Variants in TMEM248 observed in about 807,000 individuals in gnomAD.
The protein encoded by TMEM248 is transmembrane protein 248, also known as UPF0458 protein C7orf42.
Under a neutral mutation model 30.3 loss-of-function variants are expected in TMEM248, and 9 were observed. That is an observed-to-expected ratio of 0.30 (90% CI 0.18 to 0.52). TMEM248 has a LOEUF of 0.52. Among genes scored for constraint, TMEM248 ranks in the 20% least tolerant of loss-of-function variants. The pLI is 0.97. For synonymous variants in TMEM248, 184 were observed against 154.4 expected, an observed-to-expected ratio of 1.19 and a Z score of -1.42; for missense variants, 338 against 403.3, an observed-to-expected ratio of 0.84 and a Z score of 1.39.
At chr7:66,941,399 A>G (rs558777505) in intron 1 of TMEM248, among the ~76,000 whole-genome samples, 11 of 150,632 alleles carry the variant, frequency 7.3e-5, no homozygotes, top group African/African-American at 2.4e-4. Flanking sequence ...AAAAAGAAAA[A>G]AAAAAATTAG....
chr7:66,942,343 C>G (rs149947531), intron 2 of TMEM248, among the ~76,000 whole-genome samples: 153 of 152,308 alleles, frequency 1.0e-3, no homozygotes, highest in Non-Finnish European at 1.8e-3. Flanking sequence ...TATTCCATCT[C>G]AAATGGGTTC....
intron 2 of TMEM248, among the ~76,000 whole-genome samples, chr7:66,944,394 C>T (rs1440431079): frequency 6.6e-6 from 1 of 152,148 alleles, no homozygotes; most frequent in Admixed American, 6.5e-5. Flanking sequence ...TGCGAGCCAC[C>T]GTACCTGGCC....
chr7:66,925,507 A>G (rs952756804), intron 1 of TMEM248, among the ~76,000 whole-genome samples: 7 of 152,008 alleles, frequency 4.6e-5, no homozygotes, highest in African/African-American at 1.7e-4. Flanking sequence ...ATATAAGTGG[A>G]ATCCTATATT....
At chr7:66,931,888 T>C (rs1216499563) in intron 1 of TMEM248, among the ~76,000 whole-genome samples, 1 of 138,116 alleles carries the variant, frequency 7.2e-6, no homozygotes, top group Non-Finnish European at 1.5e-5. Flanking sequence ...CACTGCAAGC[T>C]CCGTCTCCTG....
Position 66,929,217 on chromosome 7 carries a change from A to G in TMEM248, c.-19+7756A>G, listed in dbSNP as rs79015769. Among the ~76,000 whole-genome samples, 7 of 152,270 alleles carry G rather than the reference A, an allele frequency of 4.6e-5. No individual in the cohort carries two copies. The East Asian group carries it at 1.2e-3, about 25-fold the overall frequency. On this transcript the variant is annotated intron_variant, in intron 1 of 6. Transcript: ENST00000341567. ...CTTCCCGTGTGATCATGGGCACATT[A>G]GCTGACTTCTATATGCCTTAATTTC...
At chr7:66,927,825 A>G (rs1346748267) in intron 1 of TMEM248, among the ~76,000 whole-genome samples, 1 of 152,148 alleles carries the variant, frequency 6.6e-6, no homozygotes, top group Non-Finnish European at 1.5e-5. Context: ...GTATCACATT[A>G]AGAAACAAGA....
rs112085221 is a variant in TMEM248, at chr7:66,955,028, T to C, written c.925-474T>C. 2.6e-4 allele frequency among the ~76,000 whole-genome samples: 40 copies of C among 152,306 alleles called. 1 individual carries two copies. The highest frequency in any genetic ancestry group is 8.9e-4 in the African/African-American group (37 of 41,578). ...TGTAATCCCAGGACTTTTAGGAGGC[T>C]GAGGCAGAAGGATCACTTGAGCCCA... On this transcript the variant is annotated intron_variant, in intron 6 of 6. Coordinates refer to ENST00000341567, the MANE Select transcript of TMEM248 (RefSeq NM_017994.5).
chr7:66,942,114 T>G (rs1441977045), intron 2 of TMEM248, 90 bp downstream of exon 2: 9 of 1,406,914 alleles, frequency 6.4e-6, no homozygotes, highest in Non-Finnish European at 7.7e-6. Context: ...TCTTGGGTTT[T>G]GGCCTTTCTC....
intron 2 of TMEM248, among the ~76,000 whole-genome samples, chr7:66,944,330 C>G (rs1329558651): frequency 6.6e-6 from 1 of 151,974 alleles, no homozygotes. Flanking sequence ...GTCTCGAACT[C>G]CTGACCTCAA....
At chr7:66,924,685 A>G (rs570491844) in intron 1 of TMEM248, among the ~76,000 whole-genome samples, 268 of 149,420 alleles carry the variant, frequency 1.8e-3, no homozygotes, top group African/African-American at 6.3e-3. Flanking sequence ...GATTACAGGC[A>G]TGAGCCACCA....
At chr7:66,940,576 C>T (rs1258969530) in intron 1 of TMEM248, among the ~76,000 whole-genome samples, 1 of 152,176 alleles carries the variant, frequency 6.6e-6, no homozygotes, top group East Asian at 1.9e-4. Context: ...CAGACATTGA[C>T]AAGATGATCC....
intron 1 of TMEM248, among the ~76,000 whole-genome samples, chr7:66,934,706 T>G (rs1205469755): frequency 6.6e-6 from 1 of 152,202 alleles, no homozygotes; most frequent in Non-Finnish European, 1.5e-5. Context: ...TCCTGAATGT[T>G]TCATAATTGT....
chr7:66,955,808 A>G lies in TMEM248; in HGVS notation c.*286A>G, dbSNP rs1406542861. 2.4e-6 allele frequency: 1 copy of G among 418,130 alleles called. No homozygotes were observed. Among genetic ancestry groups the G allele is most frequent in the Non-Finnish European group, 4.2e-6 (1 of 236,864 alleles). The allele number at this position is 418,130 out of a possible 1,614,324, so 25.9% of individuals were successfully genotyped here. A position where few individuals can be genotyped will look rare whatever the true frequency, so the allele number is the denominator to read the frequency against. On this transcript the variant is annotated 3_prime_UTR_variant, in exon 7 of 7. Coordinates refer to ENST00000341567, the MANE Select transcript of TMEM248 (RefSeq NM_017994.5). ...GGGACGTTTCCACGTGTCTCTAGAGAAGGATTCCTGGATCTAGCTGGTCAC... is the reference window on the plus strand; with the variant it reads ...GGGACGTTTCCACGTGTCTCTAGAGGAGGATTCCTGGATCTAGCTGGTCAC...
intron 1 of TMEM248, among the ~76,000 whole-genome samples, chr7:66,929,646 A>G (rs1432583020): frequency 6.6e-6 from 1 of 151,726 alleles, no homozygotes; most frequent in Non-Finnish European, 1.5e-5. Context: ...GTTGGCCAGG[A>G]TGCTCTCAAA....
intron 1 of TMEM248, among the ~76,000 whole-genome samples, chr7:66,929,247 T>C (rs1370861189): frequency 1.3e-5 from 2 of 152,058 alleles, no homozygotes; most frequent in Non-Finnish European, 2.9e-5. Flanking sequence ...AATTTCCGTA[T>C]CTGTAAAATA....
At chr7:66,929,834 G>A (rs984649520) in intron 1 of TMEM248, among the ~76,000 whole-genome samples, 8 of 152,098 alleles carry the variant, frequency 5.3e-5, no homozygotes, top group Non-Finnish European at 1.0e-4. Flanking sequence ...ATAGGACTTG[G>A]TAACTGGTTG....
At chr7:66,939,219 A>G (rs1015468519) in intron 1 of TMEM248, among the ~76,000 whole-genome samples, 2 of 152,214 alleles carry the variant, frequency 1.3e-5, no homozygotes, top group African/African-American at 2.4e-5. Context: ...TGGTCTGACA[A>G]TATCAGGTTG....
intron 6 of TMEM248, 141 bp downstream of exon 6, chr7:66,953,510 A>G (rs557080485): frequency 2.5e-6 from 3 of 1,212,672 alleles, no homozygotes; most frequent in South Asian, 3.0e-5. Context: ...TCCGAGGAGG[A>G]TTGGTTCCAG....
intron 6 of TMEM248, among the ~76,000 whole-genome samples, chr7:66,953,653 G>A (rs1293806659): frequency 6.6e-6 from 1 of 152,094 alleles, no homozygotes; most frequent in East Asian, 1.9e-4. Context: ...CTCCCAGGCT[G>A]GAGTGCAGTG....
Sources: gnomAD v4.1 joint callset for allele counts (sites outside exome capture counted in the v4.1 genomes callset) on GRCh38, gnomAD v4.1.1 for gene constraint, MANE v1.5 for transcripts, NCBI Gene and HGNC (gene_info 2026-07-23, HGNC 2026-07-21) for gene names.